The following TBK1 variants were observed in gnomAD, a reference collection of about 807,000 sequenced individuals.
TBK1 encodes serine/threonine-protein kinase TBK1.
Under a neutral mutation model 99.9 loss-of-function variants are expected in TBK1, and 37 were observed. That is an observed-to-expected ratio of 0.37 (90% CI 0.28 to 0.49). The LOEUF (loss-of-function observed/expected upper bound fraction) is 0.49, where lower values mean the gene tolerates loss of function less well. Ranked by LOEUF, TBK1 falls within the 20% of genes least tolerant of loss-of-function variation. TBK1 has a pLI of 0.98. For synonymous variants in TBK1, 258 were observed against 279.8 expected, an observed-to-expected ratio of 0.92 and a Z score of 0.78; for missense variants, 644 against 872.5, an observed-to-expected ratio of 0.74 and a Z score of 3.30.
At chr12:64,483,175 G>A (rs912948016) in intron 8 of TBK1, among the ~76,000 whole-genome samples, 2 of 152,160 alleles carry the variant, frequency 1.3e-5, no homozygotes, top group African/African-American at 4.8e-5. Flanking sequence ...TAACACAAAA[G>A]ATAAATGCTT....
At chr12:64,481,055 A>G (rs1433044935) in intron 7 of TBK1, among the ~76,000 whole-genome samples, 4 of 152,208 alleles carry the variant, frequency 2.6e-5, no homozygotes, top group Non-Finnish European at 2.9e-5. Context: ...TATTTTAAAA[A>G]GTTTCCAAAA....
chr12:64,495,851 G>T, intron 15 of TBK1, 76 bp downstream of exon 15: 1 of 1,204,606 alleles, frequency 8.3e-7, no homozygotes, highest in South Asian at 1.6e-5. Flanking sequence ...AATTAATTTG[G>T]TATATCTGTA....
Position 64,496,363 on chromosome 12 carries a change from C to A in TBK1, c.1721-4C>A. On this transcript the variant is annotated splice_polypyrimidine_tract_variant and splice_region_variant and intron_variant, in intron 15 of 20. Transcript: ENST00000331710. ...ACAACAGTAATATATTTTCCTATTT[C>A]TAGGATTAGCTTATAATGAAGAACA... The A allele has an allele frequency of 8.6e-7, 1 of 1,169,150 alleles. No individual in the cohort carries two copies. Among genetic ancestry groups the A allele is most frequent in the South Asian group, 1.5e-5 (1 of 68,818 alleles). 72.4% of individuals were successfully genotyped at this position (1,169,150 alleles called of 1,614,324 possible).
rs765585788 is a variant in TBK1 at position 64,488,515 on chromosome 12, A to G, written c.1369A>G (p.Thr457Ala). The G allele has an allele frequency of 3.1e-6, 5 of 1,599,316 alleles. No individual in the cohort carries two copies. In the African/African-American group the frequency reaches 6.7e-5, roughly 22 times the overall value. ...ATTAATTAAAGATGATTACAATGAA[A>G]CTGTTCACAAAAAGACAGAAGTTGT... ...IELIKDDYNE[T>A]VHKKTEVVIT... Residue 457 changes from threonine (T) to alanine (A), a missense_variant, in exon 12 of 21, where the codon ACT (threonine) becomes GCT (alanine). Thr to Ala is a moderately conservative substitution (Grantham distance 58). Coordinates refer to ENST00000331710, the MANE Select transcript of TBK1 (RefSeq NM_013254.4).
intron 2 of TBK1, among the ~76,000 whole-genome samples, 192 bp downstream of exon 2, chr12:64,456,149 G>A (rs1163794747): frequency 6.6e-6 from 1 of 152,218 alleles, no homozygotes; most frequent in Non-Finnish European, 1.5e-5. Context: ...GGTGGCACAG[G>A]TTAAGTGTTA....
At position 64,454,974 on chromosome 12, in the gene TBK1, G is replaced by T. The variant is rs1195440077; in HGVS notation, c.-31-866G>T. Among the ~76,000 whole-genome samples, 12 of 141,190 alleles carry T rather than the reference G, an allele frequency of 8.5e-5. No individual in the cohort carries two copies. The Admixed American group carries it at 9.3e-4, about 11-fold the overall frequency. 92.6% of individuals were successfully genotyped at this position (141,190 alleles called of 152,430 possible). A position where few individuals can be genotyped will look rare whatever the true frequency, so the allele number is the denominator to read the frequency against. ...TTACAGGCGTGAGCCACCGCGCCCG[G>T]CCAATTTTTTTTTTTTCTTTTTTTT... On this transcript the variant is annotated intron_variant, in intron 1 of 20. Transcript: ENST00000331710.
intron 13 of TBK1, 48 bp from the exon 14 acceptor site, chr12:64,495,435 C>A (rs753557747): frequency 6.9e-6 from 11 of 1,598,770 alleles, no homozygotes; most frequent in Non-Finnish European, 9.4e-6. Context: ...CTGTGATGAT[C>A]ATTTCTGGCT....
chr12:64,463,218 A>G (rs924032357), intron 3 of TBK1, among the ~76,000 whole-genome samples: 3 of 151,894 alleles, frequency 2.0e-5, no homozygotes, highest in African/African-American at 7.3e-5. Flanking sequence ...AAAAATACAA[A>G]AAAATTAGCC....
In TBK1 at chr12:64,497,107, T is replaced by C. The variant is rs2040934466; in HGVS notation, c.1863-56T>C. The C allele has an allele frequency of 1.0e-5, 16 of 1,578,808 alleles. 1 individual carries two copies. In the South Asian group the frequency reaches 1.5e-4, roughly 15 times the overall value. Reference sequence around the variant, plus strand: ...TTGACTGCACAATATAAATGTATATTTGAAGTAAGAATGCTTCACTAGACT... The same window carrying C: ...TTGACTGCACAATATAAATGTATATCTGAAGTAAGAATGCTTCACTAGACT... On this transcript the variant is annotated intron_variant, in intron 17 of 20. Transcript: ENST00000331710.
At chr12:64,481,788 C>A in intron 7 of TBK1, 54 bp from the exon 8 acceptor site, 1 of 1,258,754 alleles carries the variant, frequency 7.9e-7, no homozygotes, top group Non-Finnish European at 1.0e-6. Flanking sequence ...ATTTTTTAAC[C>A]TAGACAGAAT....
intron 2 of TBK1, among the ~76,000 whole-genome samples, chr12:64,456,925 G>A (rs1164103159): frequency 6.6e-6 from 1 of 151,856 alleles, no homozygotes; most frequent in East Asian, 1.9e-4. Flanking sequence ...TTAAGAAATT[G>A]AAGATAATTA....
chr12:64,498,095 T>A, intron 20 of TBK1, 56 bp downstream of exon 20: 1 of 1,397,592 alleles, frequency 7.2e-7, no homozygotes, highest in East Asian at 2.3e-5. Context: ...TTCATTCACA[T>A]CTGTACTTAT....
At chr12:64,472,179 T>TA (rs1314328921) in intron 5 of TBK1, among the ~76,000 whole-genome samples, 1 of 151,690 alleles carries the variant, frequency 6.6e-6, no homozygotes, top group Non-Finnish European at 1.5e-5. Context: ...ACCCAGTTCT[T>TA]ATACTTGTCT....
rs548625020 is a variant in TBK1 at position 64,495,479 on chromosome 12, T to G, written c.1522-4T>G. 1 of 1,612,870 alleles carries G rather than the reference T, an allele frequency of 6.2e-7. No homozygotes were observed. Among genetic ancestry groups the G allele is most frequent in the African/African-American group, 1.3e-5 (1 of 74,980 alleles). ...TCTGGATCTGAACCTTTGGTTTTAT[T>G]TAGCTTTCCAGTTCTCAGGGAACAA... is the stretch of plus-strand genomic sequence containing the variant. On this transcript the variant is annotated splice_region_variant and splice_polypyrimidine_tract_variant and intron_variant, in intron 13 of 20. Transcript: ENST00000331710.
chr12:64,474,206 T>C (rs200456027), intron 5 of TBK1, 24 bp from the exon 6 acceptor site: 49 of 1,589,568 alleles, frequency 3.1e-5, no homozygotes, highest in Non-Finnish European at 8.5e-6. Flanking sequence ...GTTCATGATT[T>C]TTTTCTTTTT....
At chr12:64,473,714 A>G (rs570819555) in intron 5 of TBK1, among the ~76,000 whole-genome samples, 9 of 152,270 alleles carry the variant, frequency 5.9e-5, no homozygotes, top group Admixed American at 1.3e-4. Flanking sequence ...GTCCTCAAGG[A>G]TCACTTGAGA....
intron 2 of TBK1, among the ~76,000 whole-genome samples, chr12:64,458,405 A>C (rs11836852): frequency 0.15 from 22,665 of 151,832 alleles, 2,022 homozygotes; most frequent in East Asian, 0.35. Context: ...AATTGCTTTT[A>C]GTTACTAAAG....
intron 3 of TBK1, 138 bp from the exon 4 acceptor site, chr12:64,464,196 A>T: frequency 1.7e-6 from 1 of 597,106 alleles, no homozygotes; most frequent in East Asian, 3.3e-5. Flanking sequence ...TATGTTCAAC[A>T]GATACTGAAT....
intron 7 of TBK1, among the ~76,000 whole-genome samples, chr12:64,480,567 AT>A (rs2040759426): frequency 6.6e-6 from 1 of 152,226 alleles, no homozygotes; most frequent in African/African-American, 2.4e-5. Context: ...AGGGTGAGAA[AT>A]AATAGTTTTT....
Sources: allele counts gnomAD v4.1 joint callset (sites outside exome capture counted in the v4.1 genomes callset), GRCh38; gene constraint gnomAD v4.1.1; transcripts MANE v1.5; gene names NCBI Gene and HGNC (gene_info 2026-07-23, HGNC 2026-07-21).